The following XK variants were observed in gnomAD, a reference collection of about 807,000 sequenced individuals.
XK encodes the protein X-linked Kx blood group antigen, Kell and VPS13A binding protein.
XK carries 2 observed loss-of-function variants against 14.0 expected under a neutral mutation model. The ratio of observed to expected loss-of-function variants is 0.14; its 90% confidence interval spans 0.06 to 0.45. The LOEUF (loss-of-function observed/expected upper bound fraction) is 0.45, where lower values mean the gene tolerates loss of function less well. XK is among the 20% of genes least tolerant of loss of function. The pLI is 0.98. For synonymous variants in XK, 149 were observed against 147.5 expected (o/e 1.01, Z -0.08); for missense variants, 235 against 341.5 (o/e 0.69, Z 2.46).
chrX:37,729,542 T>C lies in XK; in HGVS notation c.*1080T>C, dbSNP rs1556450680. The C allele has an allele frequency of 8.9e-6, 1 of 111,993 alleles. No individual in the cohort carries two copies. Among genetic ancestry groups the C allele is most frequent in the Non-Finnish European group, 1.9e-5 (1 of 53,153 alleles). 9.2% of individuals were successfully genotyped at this position (111,993 alleles called of 1,213,427 possible). ...ATTGTGAGTTAATTTGATAAAGATC[T>C]CCAGTTGTATCCTCTGACACCCTTT... On this transcript the variant is annotated 3_prime_UTR_variant, in exon 3 of 3. Coordinates refer to ENST00000378616, the MANE Select transcript of XK (RefSeq NM_021083.4).
At chrX:37,725,589 C>G in intron 2 of XK, among the ~76,000 whole-genome samples, 1 of 111,191 alleles carries the variant, frequency 9.0e-6, no homozygotes, top group East Asian at 2.8e-4. Flanking sequence ...ACAAATCACA[C>G]CCATTGGTAT....
At chrX:37,692,433 T>C (rs566534002) in intron 1 of XK, among the ~76,000 whole-genome samples, 1 of 111,831 alleles carries the variant, frequency 8.9e-6, no homozygotes, top group South Asian at 3.8e-4. Flanking sequence ...GTTTGTTTTT[T>C]TGAGACAGAG....
At chrX:37,714,106 C>T (rs1475120226) in intron 2 of XK, among the ~76,000 whole-genome samples, 1 of 111,689 alleles carries the variant, frequency 9.0e-6, no homozygotes, top group Admixed American at 9.5e-5. Context: ...GTTGTTTTAA[C>T]CAACACTGCT....
Position 37,728,744 on chromosome X carries a change from G to A in XK, c.*282G>A. ...GCCTTTTCACTGACAAGTTACCCCT[G>A]AAATCTGAGTTGTACTGGTTAGATT... On this transcript the variant is annotated 3_prime_UTR_variant, in exon 3 of 3. Transcript: ENST00000378616. 2.9e-6 allele frequency: 1 copy of A among 347,026 alleles called. No homozygotes were observed. The highest frequency in any genetic ancestry group is 5.1e-6 in the Non-Finnish European group (1 of 195,564). 28.6% of individuals were successfully genotyped at this position (347,026 alleles called of 1,213,427 possible). A position where few individuals can be genotyped will look rare whatever the true frequency, so the allele number is the denominator to read the frequency against.
intron 1 of XK, among the ~76,000 whole-genome samples, chrX:37,692,165 A>C (rs2146810488): frequency 9.0e-6 from 1 of 111,297 alleles, no homozygotes; most frequent in East Asian, 2.8e-4. Flanking sequence ...AAATTGTTGC[A>C]ATACGTTTTC....
intron 2 of XK, among the ~76,000 whole-genome samples, chrX:37,706,333 T>A (rs1276525295): frequency 2.7e-5 from 3 of 111,057 alleles, no homozygotes; most frequent in Non-Finnish European, 3.8e-5. Flanking sequence ...TTAATGCAAA[T>A]TTTTTTTGTT....
chrX:37,701,903 C>T (rs1281197546), intron 2 of XK, among the ~76,000 whole-genome samples: 1 of 111,589 alleles, frequency 9.0e-6, no homozygotes, highest in African/African-American at 3.3e-5. Flanking sequence ...AGGCAGTCCC[C>T]ACTCTGGTGT....
In XK at chrX:37,694,305, A is replaced by G; in HGVS notation, c.265A>G (p.Ile89Val). 1 of 1,212,212 alleles carries G rather than the reference A, an allele frequency of 8.2e-7. No individual in the cohort carries two copies. The highest frequency in any genetic ancestry group is 1.1e-6 in the Non-Finnish European group (1 of 895,569). Residue 89 changes from isoleucine to valine, a missense_variant, in exon 2 of 3, where the codon ATC (isoleucine) becomes GTC (valine). Transcript: ENST00000378616. ...PLFRCFEVFC[I>V]YFQSGNNEEP... ...TTTCAGGTGTTTTGAAGTCTTCTGC[A>G]TCTACTTTCAGTCAGGCAACAATGA...
chrX:37,707,502 G>C (rs1383043905), intron 2 of XK, among the ~76,000 whole-genome samples: 23 of 105,442 alleles, frequency 2.2e-4, no homozygotes, highest in African/African-American at 8.1e-4. Context: ...GGCGGCTGCC[G>C]GGCGGAAGGG....
At chrX:37,688,269 T>C (rs1795521052) in intron 1 of XK, among the ~76,000 whole-genome samples, 1 of 109,711 alleles carries the variant, frequency 9.1e-6, no homozygotes, top group Non-Finnish European at 1.9e-5. Context: ...GGTTTCACCG[T>C]GCCAGCCAGG....
intron 2 of XK, among the ~76,000 whole-genome samples, chrX:37,700,774 A>G (rs1927397119): frequency 9.0e-6 from 1 of 110,992 alleles, no homozygotes; most frequent in South Asian, 3.9e-4. Context: ...GAGGTGCGGG[A>G]GGCTTTATTC....
intron 1 of XK, among the ~76,000 whole-genome samples, chrX:37,687,433 A>T (rs1927104878): frequency 1.8e-5 from 2 of 109,560 alleles, no homozygotes; most frequent in Non-Finnish European, 3.8e-5. Context: ...ATGCCTGGCT[A>T]ATTTTCTTTT....
Position 37,694,322 on chromosome X carries a change from C to G in XK, c.282C>G (p.Gly94=), listed in dbSNP as rs1200949863. 1 of 1,210,462 alleles carries G rather than the reference C, an allele frequency of 8.3e-7. No individual in the cohort carries two copies. The highest frequency in any genetic ancestry group is 1.7e-5 in the African/African-American group (1 of 57,352). ...FEVFCIYFQS[G]NNEEPYVSIT... Reference sequence around the variant, plus strand: ...TCTTCTGCATCTACTTTCAGTCAGGCAACAATGAAGAGCCTTATGTCAGTA... The same window carrying G: ...TCTTCTGCATCTACTTTCAGTCAGGGAACAATGAAGAGCCTTATGTCAGTA... Residue 94 remains glycine (G), a synonymous_variant, in exon 2 of 3, where the codon GGC becomes GGG. Coordinates refer to ENST00000378616, the MANE Select transcript of XK (RefSeq NM_021083.4).
At chrX:37,716,285 T>A (rs1927764213) in intron 2 of XK, among the ~76,000 whole-genome samples, 1 of 112,115 alleles carries the variant, frequency 8.9e-6, no homozygotes, top group African/African-American at 3.2e-5. Context: ...ATTCTTTATA[T>A]CCTACCTGTT....
At chrX:37,703,580 G>T (rs1278088542) in intron 2 of XK, among the ~76,000 whole-genome samples, 2 of 111,988 alleles carry the variant, frequency 1.8e-5, no homozygotes, top group Non-Finnish European at 3.8e-5. Flanking sequence ...TGGAAAATGG[G>T]TAAATAGGGT....
chrX:37,700,186 A>G (rs1927385000), intron 2 of XK, among the ~76,000 whole-genome samples: 1 of 111,392 alleles, frequency 9.0e-6, no homozygotes, highest in East Asian at 2.8e-4. Flanking sequence ...GCCCAGAACA[A>G]TTGCAGGGTG....
intron 1 of XK, among the ~76,000 whole-genome samples, chrX:37,688,062 T>TC (rs1556440606): frequency 1.6e-4 from 12 of 73,214 alleles, no homozygotes; most frequent in South Asian, 6.1e-4. Context: ...TTTCTTTCTT[T>TC]TTTTTTTTTT....
intron 2 of XK, among the ~76,000 whole-genome samples, chrX:37,715,955 T>A (rs912583253): frequency 9.0e-6 from 1 of 111,048 alleles, no homozygotes; most frequent in Non-Finnish European, 1.9e-5. Context: ...TGATGTCGGC[T>A]CTGATTTTTT....
In XK at chrX:37,728,102, C is replaced by T. The variant is rs1556450468; in HGVS notation, c.975C>T (p.Phe325=). ...TACTGGTGTATTACATGATAAGATTCATCGAGAATGCCATCCTCCTCCTCC... is the reference window on the plus strand; with the variant it reads ...TACTGGTGTATTACATGATAAGATTTATCGAGAATGCCATCCTCCTCCTCC... The part of the protein sequence containing the change: ...YQLLVYYMIR[F]IENAILLLLW... The change falls in exon 3 of 3, where the codon TTC becomes TTT. Residue 325 remains phenylalanine (F), a synonymous_variant. Coordinates refer to ENST00000378616, the MANE Select transcript of XK (RefSeq NM_021083.4). The T allele has an allele frequency of 5.0e-6, 6 of 1,209,677 alleles. No individual in the cohort carries two copies. Among genetic ancestry groups the T allele is most frequent in the East Asian group, 5.9e-5 (2 of 33,731 alleles).
Sources: gnomAD v4.1 joint callset for allele counts (sites outside exome capture counted in the v4.1 genomes callset) on GRCh38, gnomAD v4.1.1 for gene constraint, MANE v1.5 for transcripts, NCBI Gene and HGNC (gene_info 2026-07-23, HGNC 2026-07-21) for gene names.